Variants in RETREG1 observed in about 807,000 individuals in gnomAD.
RETREG1 encodes reticulophagy regulator 1.
RETREG1 carries 44 observed loss-of-function variants against 54.8 expected under a neutral mutation model. That is an observed-to-expected ratio of 0.80 (90% CI 0.63 to 1.03). The LOEUF is 1.03. Among genes scored for constraint, RETREG1 ranks in the 50% least tolerant of loss-of-function variants. The pLI is 0.00. For missense variants in RETREG1, 554 were observed against 605.1 expected, an observed-to-expected ratio of 0.92 and a Z score of 0.89; for synonymous variants, 217 against 238.5, an observed-to-expected ratio of 0.91 and a Z score of 0.83.
intron 3 of RETREG1, among the ~76,000 whole-genome samples, chr5:16,514,900 C>CAT (rs61346860): frequency 0.47 from 67,194 of 143,948 alleles, 16,022 homozygotes; most frequent in Admixed American, 0.54. Flanking sequence ...CCATGGCATG[C>CAT]ATATATATAT....
At chr5:16,489,158 G>A (rs190251605) in intron 3 of RETREG1, among the ~76,000 whole-genome samples, 2 of 141,014 alleles carry the variant, frequency 1.4e-5, no homozygotes, top group Admixed American at 7.1e-5. Flanking sequence ...TGATTCAACC[G>A]CCAACTGTAG....
chr5:16,537,984 G>A (rs914384065), intron 3 of RETREG1, among the ~76,000 whole-genome samples: 1 of 152,158 alleles, frequency 6.6e-6, no homozygotes, highest in African/African-American at 2.4e-5. Context: ...GAGGCGGAAG[G>A]AACTTAGGAT....
chr5:16,581,543 AC>A (rs1742477077), intron 1 of RETREG1, among the ~76,000 whole-genome samples: 1 of 149,546 alleles, frequency 6.7e-6, no homozygotes, highest in South Asian at 2.1e-4. Flanking sequence ...ACACACACAC[AC>A]ACACACACAC....
At chr5:16,614,928 C>A (rs1198593083) in intron 1 of RETREG1, among the ~76,000 whole-genome samples, 3 of 152,142 alleles carry the variant, frequency 2.0e-5, no homozygotes, top group African/African-American at 7.2e-5. Flanking sequence ...GAAATGTGCA[C>A]TATCTGGAAA....
At position 16,616,838 on chromosome 5, in the gene RETREG1, T is replaced by A; in HGVS notation, c.134A>T (p.Gln45Leu). 2 of 1,514,278 alleles carry A rather than the reference T, an allele frequency of 1.3e-6. No individual in the cohort carries two copies. Among genetic ancestry groups the A allele is most frequent in the Non-Finnish European group, 8.8e-7 (1 of 1,138,762 alleles). The allele number at this position is 1,514,278 out of a possible 1,614,324, so 93.8% of individuals were successfully genotyped here. ...AERQQQEEEA[Q>L]EAGAAEGAGL... ...CGCGCCCTCCGCCGCCCCAGCTTCC[T>A]GCGCTTCCTCCTCCTGCTGCTGCCG... The change falls in exon 1 of 9, where the codon CAG becomes CTG. Residue 45 changes from glutamine (Q) to leucine (L), a missense_variant. Coordinates refer to ENST00000306320, the MANE Select transcript of RETREG1 (RefSeq NM_001034850.3).
intron 3 of RETREG1, among the ~76,000 whole-genome samples, chr5:16,560,710 C>T (rs31289): frequency 0.35 from 52,483 of 152,090 alleles, 10,408 homozygotes; most frequent in Non-Finnish European, 0.44. Flanking sequence ...AAAAGAGCAC[C>T]TCTGTCTGCC....
chr5:16,514,698 C>T lies in RETREG1; in HGVS notation c.459-31226G>A, dbSNP rs184366457. ...CCTCACCTCCCTCCCACCATTCCCC[C>T]CAAGTCCCCAAAGTCCACTGTATCA... is the stretch of plus-strand genomic sequence containing the variant. On this transcript the variant is annotated intron_variant, in intron 3 of 8. Transcript: ENST00000306320. 2.1e-3 allele frequency among the ~76,000 whole-genome samples: 315 copies of T among 151,836 alleles called. 2 individuals are homozygous for T. Among genetic ancestry groups the T allele is most frequent in the African/African-American group, 7.3e-3 (304 of 41,414 alleles).
intron 3 of RETREG1, among the ~76,000 whole-genome samples, chr5:16,563,802 A>G (rs1263418026): frequency 6.6e-6 from 1 of 152,234 alleles, no homozygotes; most frequent in Non-Finnish European, 1.5e-5. Context: ...CTAAAAATAT[A>G]AATCTTTTTT....
intron 2 of RETREG1, among the ~76,000 whole-genome samples, chr5:16,571,070 T>A (rs1313059207): frequency 6.6e-6 from 1 of 152,152 alleles, no homozygotes; most frequent in Non-Finnish European, 1.5e-5. Flanking sequence ...CTGTAAAGAC[T>A]TATAACTGGA....
Position 16,594,334 on chromosome 5 carries a change from T to A in RETREG1, c.321-22232A>T, listed in dbSNP as rs1742845645. Among the ~76,000 whole-genome samples, 3 of 152,220 alleles carry A rather than the reference T, an allele frequency of 2.0e-5. No homozygotes were observed. Among genetic ancestry groups the A allele is most frequent in the Admixed American group, 2.0e-4 (3 of 15,286 alleles). Reference sequence around the variant, plus strand: ...AAGTGTATTAGAATAGATTTTTAAATGTGACTGAATGAAAATGAGCCAAAC... The same window carrying A: ...AAGTGTATTAGAATAGATTTTTAAAAGTGACTGAATGAAAATGAGCCAAAC... On this transcript the variant is annotated intron_variant, in intron 1 of 8. Transcript: ENST00000306320. This position sits in a 1 kb window ranked among gnomAD's most constrained non-coding sequence, Gnocchi z 4.4.
At chr5:16,544,109 G>A (rs1191791550) in intron 3 of RETREG1, among the ~76,000 whole-genome samples, 1 of 151,306 alleles carries the variant, frequency 6.6e-6, no homozygotes, top group African/African-American at 2.4e-5. Context: ...CTAAGTAGCT[G>A]GGATTACAGG....
intron 3 of RETREG1, among the ~76,000 whole-genome samples, chr5:16,545,210 C>G (rs1741352343): frequency 2.0e-5 from 3 of 152,142 alleles, no homozygotes; most frequent in Admixed American, 2.0e-4. Flanking sequence ...TGCTTGCTTC[C>G]TCATTCTTGC....
rs181712933 is a variant in RETREG1, at chr5:16,594,805, G to A, written c.320+21847C>T. On this transcript the variant is annotated intron_variant, in intron 1 of 8. Transcript: ENST00000306320. The surrounding 1 kb of genome is among the most constrained non-coding windows in gnomAD (Gnocchi z 4.4). ...ACTGGCTAAAAGTCTCTCACTAAAG[G>A]TTTCTGATGTGACAGATGACATAAT... is the stretch of plus-strand genomic sequence containing the variant. 7.2e-5 allele frequency among the ~76,000 whole-genome samples: 11 copies of A among 152,262 alleles called. No individual in the cohort carries two copies. Among genetic ancestry groups the A allele is most frequent in the Non-Finnish European group, 1.2e-4 (8 of 68,018 alleles).
intron 3 of RETREG1, among the ~76,000 whole-genome samples, chr5:16,522,935 A>C (rs926207209): frequency 6.6e-6 from 1 of 152,016 alleles, no homozygotes; most frequent in Non-Finnish European, 1.5e-5. Context: ...GCACTCAGGA[A>C]GTTGAGGTTA....
At chr5:16,481,553 G>T (rs1435502103) in intron 4 of RETREG1, among the ~76,000 whole-genome samples, 7 of 151,416 alleles carry the variant, frequency 4.6e-5, no homozygotes, top group Admixed American at 4.6e-4. Flanking sequence ...GAAATTAGAG[G>T]TATCTACACA....
rs549452379 is a variant in RETREG1 at position 16,601,666 on chromosome 5, G to A, written c.320+14986C>T. On this transcript the variant is annotated intron_variant, in intron 1 of 8. Coordinates refer to ENST00000306320, the MANE Select transcript of RETREG1 (RefSeq NM_001034850.3). ...CCGCCTCAGCCTCCCAAAGTGCTGC[G>A]ATTATAGGCGTGAGCCACCATACCT... is the stretch of plus-strand genomic sequence containing the variant. 5.3e-5 allele frequency among the ~76,000 whole-genome samples: 8 copies of A among 152,236 alleles called. No individual in the cohort carries two copies. In the East Asian group the frequency reaches 1.2e-3, roughly 22 times the overall value.
At chr5:16,540,080 GAC>G (rs748034350) in intron 3 of RETREG1, among the ~76,000 whole-genome samples, 56 of 152,152 alleles carry the variant, frequency 3.7e-4, no homozygotes, top group Non-Finnish European at 6.2e-4. Context: ...TAGGAATACA[GAC>G]ACTCAGTGAG....
At chr5:16,499,917 A>C (rs163280) in intron 3 of RETREG1, among the ~76,000 whole-genome samples, 49,594 of 152,080 alleles carry the variant, frequency 0.33, 8,346 homozygotes, top group Admixed American at 0.37. Flanking sequence ...GCCTCCCTGC[A>C]CCCCACTGAC....
Position 16,474,689 on chromosome 5 carries a change from G to GAAATTTTTTTTTTTTTTTT in RETREG1, c.*51_*52insAAAAAAAAAAAAAAAATTT. ...TTTTCCTTTTTTTTTTTTTTTTCTT[G>GAAATTTTTTTTTTTTTTTT]TTTGAAATTTTTTTGGTGTTTTTTG... On this transcript the variant is annotated 3_prime_UTR_variant, in exon 9 of 9. Coordinates refer to ENST00000306320, the MANE Select transcript of RETREG1 (RefSeq NM_001034850.3). 1 of 1,096,482 alleles carries GAAATTTTTTTTTTTTTTTT rather than the reference G, an allele frequency of 9.1e-7. No homozygotes were observed. Among genetic ancestry groups the GAAATTTTTTTTTTTTTTTT allele is most frequent in the Non-Finnish European group, 1.2e-6 (1 of 841,780 alleles). The allele number at this position is 1,096,482 out of a possible 1,614,324, so 67.9% of individuals were successfully genotyped here.
Sources: allele counts gnomAD v4.1 joint callset (sites outside exome capture counted in the v4.1 genomes callset), GRCh38; gene constraint gnomAD v4.1.1; non-coding constraint Gnocchi (gnomAD v3.1); transcripts MANE v1.5; gene names NCBI Gene and HGNC (gene_info 2026-07-23, HGNC 2026-07-21).